CASP1: variants seen among roughly 807,000 people sequenced by gnomAD.
The protein encoded by CASP1 is caspase-1.
A neutral mutation model predicts 41.2 loss-of-function variants in CASP1; 31 were observed. The ratio of observed to expected loss-of-function variants is 0.75; its 90% confidence interval spans 0.57 to 1.02. The LOEUF is 1.02. Among genes scored for constraint, CASP1 ranks in the 50% least tolerant of loss-of-function variants. The probability of loss-of-function intolerance (pLI) is 0.00; values close to 1 mark genes in which losing one functional copy is unlikely to be tolerated. For synonymous variants in CASP1, 163 were observed against 166.5 expected (o/e 0.98, Z 0.16); for missense variants, 490 against 495.7 (o/e 0.99, Z 0.11).
chr11:105,028,820 C>T (rs1014851740), intron 7 of CASP1, among the ~76,000 whole-genome samples: 6 of 152,112 alleles, frequency 3.9e-5, no homozygotes, highest in Non-Finnish European at 2.9e-5. Context: ...AATGAATGAT[C>T]TCAACATGGC....
chr11:105,032,372 T>C (rs1423776359), intron 3 of CASP1, among the ~76,000 whole-genome samples: 1 of 152,178 alleles, frequency 6.6e-6, no homozygotes, highest in Non-Finnish European at 1.5e-5. Flanking sequence ...TATTTCTTTA[T>C]ATATTGAATA....
chr11:105,029,427 A>G (rs1337133920), intron 6 of CASP1, among the ~76,000 whole-genome samples, 160 bp from the exon 7 acceptor site: 2 of 152,196 alleles, frequency 1.3e-5, no homozygotes, highest in Non-Finnish European at 2.9e-5. Flanking sequence ...AACAATGTTT[A>G]TCTTTTCTAA....
chr11:105,030,767 A>T, intron 4 of CASP1: 1 of 427,694 alleles, frequency 2.3e-6, no homozygotes, highest in Middle Eastern at 6.3e-4. Context: ...AGCAAAAATG[A>T]CTGAATTCTA....
chr11:105,026,484 A>T, intron 8 of CASP1, 128 bp from the exon 9 acceptor site: 1 of 645,618 alleles, frequency 1.5e-6, no homozygotes, highest in Non-Finnish European at 2.7e-6. Context: ...AAGTACTTCC[A>T]TCTGCAACAA....
chr11:105,028,289 A>G (rs486537), intron 7 of CASP1, among the ~76,000 whole-genome samples: 23,219 of 152,150 alleles, frequency 0.15, 2,043 homozygotes, highest in Admixed American at 0.25. Flanking sequence ...TTGAGCAGAG[A>G]CAGGGCCTTT....
chr11:105,026,220 A>G lies in CASP1; in HGVS notation c.*38T>C, dbSNP rs151314636. ...CCTTCCCACACTCCCGACCATACAC[A>G]TGTACCTGCCCACAGACATTCATAC... On this transcript the variant is annotated 3_prime_UTR_variant, in exon 9 of 9. Transcript: ENST00000533400. 5.4e-4 allele frequency: 728 copies of G among 1,338,622 alleles called. 4 individuals are homozygous for G. The African/African-American group carries it at 9.0e-3, about 17-fold the overall frequency. The allele number at this position is 1,338,622 out of a possible 1,614,324, so 82.9% of individuals were successfully genotyped here.
At chr11:105,026,685 C>G (rs1055406921) in intron 8 of CASP1, 157 bp downstream of exon 8, 3 of 615,542 alleles carry the variant, frequency 4.9e-6, no homozygotes, top group Non-Finnish European at 8.6e-6. Flanking sequence ...GGATTAGGCT[C>G]CTGGGTTTGT....
At position 105,034,447 on chromosome 11, in the gene CASP1, A is replaced by T. The variant is rs3016805; in HGVS notation, c.35T>A (p.Leu12Gln). 2 of 1,614,136 alleles carry T rather than the reference A, an allele frequency of 1.2e-6. No individual in the cohort carries two copies. The highest frequency in any genetic ancestry group is 2.2e-5 in the East Asian group (1 of 44,876). Residue 12 changes from leucine to glutamine, a missense_variant, in exon 2 of 9, where the codon CTG (leucine) becomes CAG (glutamine). Leu to Gln is a moderately radical substitution (Grantham distance 113). Transcript: ENST00000533400. ...ACCTTCACCCATGGAACGGATAAAC[A>T]GCTTTCTCTTCTCCTTCAGGACCTT... ...ADKVLKEKRK[L>Q]FIRSMGEGTI...
intron 4 of CASP1, 199 bp from the exon 5 acceptor site, chr11:105,030,702 C>T (rs1849074067): frequency 2.0e-6 from 1 of 495,492 alleles, no homozygotes; most frequent in Admixed American, 3.8e-5. Context: ...GGCAGCTGAG[C>T]TTCTGACTTC....
chr11:105,026,733 A>T lies in CASP1; in HGVS notation c.1116+109T>A, dbSNP rs929297489. 3 of 697,980 alleles carry T rather than the reference A, an allele frequency of 4.3e-6. No homozygotes were observed. The Admixed American group carries it at 6.8e-5, about 16-fold the overall frequency. The allele number at this position is 697,980 out of a possible 1,614,324, so 43.2% of individuals were successfully genotyped here. On this transcript the variant is annotated intron_variant, in intron 8 of 8. Transcript: ENST00000533400. ...GAACTCCAAAACTCTTTTGGAAAGAAGAGCATTATTGGAAGATAAACTTGT... is the reference window on the plus strand; with the variant it reads ...GAACTCCAAAACTCTTTTGGAAAGATGAGCATTATTGGAAGATAAACTTGT...
At chr11:105,028,045 T>C (rs540013056) in intron 7 of CASP1, among the ~76,000 whole-genome samples, 7 of 152,222 alleles carry the variant, frequency 4.6e-5, no homozygotes, top group African/African-American at 1.7e-4. Context: ...GTGAATGTCA[T>C]GTGGAAGGCT....
At chr11:105,030,029 A>G in intron 5 of CASP1, 130 bp from the exon 6 acceptor site, 2 of 735,268 alleles carry the variant, frequency 2.7e-6, no homozygotes, top group Non-Finnish European at 4.5e-6. Flanking sequence ...CCAAAAAAAA[A>G]TTTAGTCTTA....
At chr11:105,028,075 G>T (rs1027182587) in intron 7 of CASP1, among the ~76,000 whole-genome samples, 5 of 152,044 alleles carry the variant, frequency 3.3e-5, no homozygotes, top group Non-Finnish European at 7.4e-5. Context: ...GGATACTAAC[G>T]AACAGTTCTG....
In CASP1 at chr11:105,026,184, C is replaced by T. The variant is rs1164675005; in HGVS notation, c.*74G>A. 1.1e-6 allele frequency: 1 copy of T among 933,588 alleles called. No individual in the cohort carries two copies. The allele number at this position is 933,588 out of a possible 1,614,324, so 57.8% of individuals were successfully genotyped here. On this transcript the variant is annotated 3_prime_UTR_variant, in exon 9 of 9. Transcript: ENST00000533400. ...CTTGACTCAAATGGACTTTCAGTAC[C>T]CTTTCCTCAACCTTCCCACACTCCC...
At chr11:105,030,011 A>G in intron 5 of CASP1, 112 bp from the exon 6 acceptor site, 1 of 858,290 alleles carries the variant, frequency 1.2e-6, no homozygotes, top group Non-Finnish European at 1.8e-6. Flanking sequence ...GTGACAAACA[A>G]CAGGGTGCCA....
upstream of CASP1, chr11:105,035,202 TACTC>T: frequency 6.5e-7 from 1 of 1,533,610 alleles, no homozygotes; most frequent in Non-Finnish European, 9.0e-7. Flanking sequence ...TATTGGGAAA[TACTC>T]ACTGTGCATG....
rs766901394 is a variant in CASP1, at chr11:105,035,126, C to T, written c.-13G>A. The T allele has an allele frequency of 3.1e-6, 5 of 1,613,950 alleles. No individual in the cohort carries two copies. The highest frequency in any genetic ancestry group is 2.2e-5 in the South Asian group (2 of 91,076). ...ACTCACCGGCCATGGCTTTTCTCTC[C>T]TCCCTTCTTGTGTGACTGAAACTGA... On this transcript the variant is annotated 5_prime_UTR_variant, in exon 1 of 9. Transcript: ENST00000533400.
At position 105,034,286 on chromosome 11, in the gene CASP1, C is replaced by T. The variant is rs1236329310; in HGVS notation, c.196G>A (p.Ala66Thr). 1.1e-5 allele frequency: 18 copies of T among 1,613,984 alleles called. No individual in the cohort carries two copies. The highest frequency in any genetic ancestry group is 1.4e-5 in the Non-Finnish European group (17 of 1,179,992). ...ALIDSVIPKG[A>T]QACQICITYI... The stretch of plus-strand genomic sequence containing the variant: ...GTGATGCAAATTTGGCATGCCTGTG[C>T]CCCTTTCGGAATAACGGAGTCAATC... The change falls in exon 2 of 9, where the codon GCA becomes ACA. Residue 66 changes from alanine (A) to threonine (T), a missense_variant. Physicochemically the swap from Ala to Thr is moderately conservative, Grantham distance 58. Transcript: ENST00000533400.
In CASP1 at chr11:105,029,462, C is replaced by T. The variant is rs187940290; in HGVS notation, c.863-195G>A. Among the ~76,000 whole-genome samples, 246 of 152,212 alleles carry T rather than the reference C, an allele frequency of 1.6e-3. 1 individual carries two copies. Among genetic ancestry groups the T allele is most frequent in the Non-Finnish European group, 2.9e-3 (195 of 68,008 alleles). Reference sequence around the variant, plus strand: ...ACCATCAAACAAATTGTAAAAATTTCCAAACATCAAAATCTCAAGCTTAAA... The same window carrying T: ...ACCATCAAACAAATTGTAAAAATTTTCAAACATCAAAATCTCAAGCTTAAA... On this transcript the variant is annotated intron_variant, in intron 6 of 8. Transcript: ENST00000533400.
Sources: gnomAD v4.1 joint callset for allele counts (sites outside exome capture counted in the v4.1 genomes callset) on GRCh38, gnomAD v4.1.1 for gene constraint, MANE v1.5 for transcripts, NCBI Gene and HGNC (gene_info 2026-07-23, HGNC 2026-07-21) for gene names.